The following CAGE1 variants were observed in gnomAD, a reference collection of about 807,000 sequenced individuals.
CAGE1 encodes the protein cancer-associated gene 1 protein.
Under a neutral mutation model 94.9 loss-of-function variants are expected in CAGE1, and 66 were observed. The observed-to-expected ratio is 0.70, with a 90% CI of 0.57 to 0.85. CAGE1 has a LOEUF of 0.85. CAGE1 is among the 40% of genes least tolerant of loss of function. The pLI is 0.00. For synonymous variants in CAGE1, 319 were observed against 321.0 expected (o/e 0.99, Z 0.07); for missense variants, 865 against 950.4 (o/e 0.91, Z 1.18).
At chr6:7,353,742 C>T (rs956363537) in intron 11 of CAGE1, among the ~76,000 whole-genome samples, 1 of 137,812 alleles carries the variant, frequency 7.3e-6, no homozygotes, top group Non-Finnish European at 1.6e-5. Flanking sequence ...CACACACACA[C>T]GATGGAATAC....
chr6:7,342,403 C>G (rs945378509), intron 11 of CAGE1, among the ~76,000 whole-genome samples: 10 of 152,214 alleles, frequency 6.6e-5, no homozygotes, highest in African/African-American at 2.2e-4. Context: ...TGGTCTACCG[C>G]AAGTGCAGCA....
At chr6:7,388,684 T>C (rs965916717) in intron 1 of CAGE1, among the ~76,000 whole-genome samples, 9 of 152,234 alleles carry the variant, frequency 5.9e-5, no homozygotes, top group African/African-American at 1.4e-4. Flanking sequence ...TCTGAATGAA[T>C]AGTTTATTGA....
At chr6:7,340,058 T>G (rs1561848677) in intron 11 of CAGE1, among the ~76,000 whole-genome samples, 1 of 152,232 alleles carries the variant, frequency 6.6e-6, no homozygotes. Flanking sequence ...TGTTCCCTTT[T>G]TACCGCATCC....
intron 5 of CAGE1, among the ~76,000 whole-genome samples, chr6:7,370,612 A>G (rs1760507073): frequency 6.8e-6 from 1 of 146,550 alleles, no homozygotes. Context: ...AATTTTTTAA[A>G]AAAACAATTA....
intron 3 of CAGE1, among the ~76,000 whole-genome samples, chr6:7,382,170 CTTTA>C (rs1286300267): frequency 6.6e-6 from 1 of 151,790 alleles, no homozygotes; most frequent in Non-Finnish European, 1.5e-5. Context: ...ACTTGTAGTT[CTTTA>C]TTTTAGATAC....
rs190612636 is a variant in CAGE1 at position 7,378,845 on chromosome 6, G to A, written c.459C>T (p.Asp153=). The change falls in exon 4 of 14, where the codon GAC becomes GAT. Residue 153 remains aspartate, a synonymous_variant. Transcript: ENST00000502583. ...FQSQVYNYAK[D]NNIKQDSFKE... ...TAAATGAGTCTTGCTTTATATTGTT[G>A]TCTTTTGCATAATTATACACTTGAC... is the stretch of plus-strand genomic sequence containing the variant. The A allele has an allele frequency of 4.0e-5, 64 of 1,612,566 alleles. No homozygotes were observed. The highest frequency in any genetic ancestry group is 4.2e-5 in the Non-Finnish European group (49 of 1,179,160).
intron 11 of CAGE1, among the ~76,000 whole-genome samples, chr6:7,351,539 A>ATAAAATAAAC (rs1306347599): frequency 2.1e-4 from 30 of 144,344 alleles, no homozygotes; most frequent in Non-Finnish European, 3.3e-4. Flanking sequence ...TAAAAATAAA[A>ATAAAATAAAC]TAAAATAAAA....
intron 9 of CAGE1, among the ~76,000 whole-genome samples, chr6:7,357,090 G>T (rs140239815): frequency 5.3e-5 from 8 of 152,204 alleles, no homozygotes; most frequent in Non-Finnish European, 8.8e-5. Context: ...GAGCCACCGC[G>T]CCCAGCCTAA....
At chr6:7,343,198 A>AAAAAGAAAG (rs1554136908) in intron 11 of CAGE1, among the ~76,000 whole-genome samples, 1 of 137,320 alleles carries the variant, frequency 7.3e-6, no homozygotes, top group Non-Finnish European at 1.5e-5. Flanking sequence ...CACAAAAAAA[A>AAAAAGAAAG]AAAAGAAAAG....
At chr6:7,328,873 AGTGTGTGTGTGTGT>A (rs545926619) in intron 13 of CAGE1, among the ~76,000 whole-genome samples, 1,153 of 105,348 alleles carry the variant, frequency 0.011, 30 homozygotes, top group African/African-American at 0.032. Flanking sequence ...GTATCTTATA[AGTGTGTGTGTGTGT>A]GTGTGTGTGT....
intron 12 of CAGE1, among the ~76,000 whole-genome samples, chr6:7,333,584 T>C (rs1003514104): frequency 7.8e-6 from 1 of 127,590 alleles, no homozygotes; most frequent in African/African-American, 3.5e-5. Context: ...TTACCTTAAA[T>C]TGAGATAAGG....
At chr6:7,378,340 C>G (rs1760824118) in intron 4 of CAGE1, among the ~76,000 whole-genome samples, 1 of 152,128 alleles carries the variant, frequency 6.6e-6, no homozygotes, top group Non-Finnish European at 1.5e-5. Context: ...CTTGATTTTA[C>G]TAGAAAAATT....
intron 3 of CAGE1, among the ~76,000 whole-genome samples, chr6:7,383,742 C>T (rs1761018476): frequency 6.6e-6 from 1 of 152,122 alleles, no homozygotes. Context: ...AATCAATAGA[C>T]TTCAGGAAAA....
rs536858607 is a variant in CAGE1 at position 7,339,019 on chromosome 6, T to G, written c.2370-4929A>C. On this transcript the variant is annotated intron_variant, in intron 11 of 13. Coordinates refer to ENST00000502583, the MANE Select transcript of CAGE1 (RefSeq NM_001170692.2). This position sits in a 1 kb window ranked among gnomAD's most constrained non-coding sequence, Gnocchi z 4.7. Reference sequence around the variant, plus strand: ...CAGGGCAGCATGATCTTCACCTTGATGCCCAGCACACTCTGTCTGAGCAAC... The same window carrying G: ...CAGGGCAGCATGATCTTCACCTTGAGGCCCAGCACACTCTGTCTGAGCAAC... The G allele has an allele frequency of 6.2e-7, 1 of 1,607,240 alleles. No individual in the cohort carries two copies. Among genetic ancestry groups the G allele is most frequent in the African/African-American group, 1.3e-5 (1 of 74,948 alleles).
At chr6:7,331,342 TG>T in intron 12 of CAGE1, 2 of 1,070,398 alleles carry the variant, frequency 1.9e-6, no homozygotes, top group Non-Finnish European at 2.7e-6. Flanking sequence ...CCCGTAAGTC[TG>T]GACAAGGCAA....
chr6:7,343,186 C>A, intron 11 of CAGE1, among the ~76,000 whole-genome samples: 1 of 52,090 alleles, frequency 1.9e-5, no homozygotes, highest in African/African-American at 1.2e-4. Context: ...GAGACTCTGT[C>A]CCACAAAAAA....
At chr6:7,361,753 A>G (rs1469844919) in intron 9 of CAGE1, among the ~76,000 whole-genome samples, 2 of 152,226 alleles carry the variant, frequency 1.3e-5, no homozygotes, top group Non-Finnish European at 2.9e-5. Context: ...TCAGAGTATC[A>G]GAAGGACTAC....
intron 13 of CAGE1, among the ~76,000 whole-genome samples, chr6:7,328,700 T>C (rs1217281190): frequency 6.6e-6 from 1 of 152,032 alleles, no homozygotes; most frequent in East Asian, 1.9e-4. Flanking sequence ...CACTGCAGGG[T>C]AACTAGAGTT....
At chr6:7,360,456 A>G (rs1760129110) in intron 9 of CAGE1, among the ~76,000 whole-genome samples, 1 of 152,170 alleles carries the variant, frequency 6.6e-6, no homozygotes. Flanking sequence ...CTTTCCTCAT[A>G]TAGGGTTGTC....
Sources: gnomAD v4.1 joint callset for allele counts (sites outside exome capture counted in the v4.1 genomes callset) on GRCh38, gnomAD v4.1.1 for gene constraint, Gnocchi (gnomAD v3.1) non-coding constraint, MANE v1.5 for transcripts, NCBI Gene and HGNC (gene_info 2026-07-23, HGNC 2026-07-21) for gene names.